ATP8A2: variants seen among roughly 807,000 people sequenced by gnomAD.
ATP8A2 encodes ATPase phospholipid transporting 8A2.
ATP8A2 carries 100 observed loss-of-function variants against 165.6 expected under a neutral mutation model. The observed-to-expected ratio is 0.60, with a 90% CI of 0.51 to 0.71. The LOEUF is 0.71. ATP8A2 is among the 30% of genes least tolerant of loss of function. The pLI, the probability that ATP8A2 is intolerant of heterozygous loss-of-function variation, is 0.00. For missense variants in ATP8A2, 1,227 were observed against 1,479.5 expected, an observed-to-expected ratio of 0.83 and a Z score of 2.80; for synonymous variants, 543 against 548.8, an observed-to-expected ratio of 0.99 and a Z score of 0.15.
At chr13:25,845,423 T>C (rs1951837928) in intron 30 of ATP8A2, among the ~76,000 whole-genome samples, 1 of 152,212 alleles carries the variant, frequency 6.6e-6, no homozygotes, top group South Asian at 2.1e-4. Context: ...AAAGAGACTA[T>C]GCTTAACAAA....
intron 24 of ATP8A2, among the ~76,000 whole-genome samples, chr13:25,610,805 G>T (rs566027571): frequency 2.7e-5 from 4 of 149,916 alleles, no homozygotes; most frequent in Admixed American, 2.7e-4. Context: ...CCATTTGTTT[G>T]TGTTGTTTAT....
chr13:26,014,251 A>G (rs949464661), intron 36 of ATP8A2, among the ~76,000 whole-genome samples: 2 of 152,226 alleles, frequency 1.3e-5, no homozygotes, highest in Admixed American at 1.3e-4. Context: ...CCAGAGGTTC[A>G]GTGTAGGTCC....
At chr13:25,501,133 G>GT in intron 2 of ATP8A2, among the ~76,000 whole-genome samples, 1 of 152,292 alleles carries the variant, frequency 6.6e-6, no homozygotes, top group African/African-American at 2.4e-5. Context: ...GAAGTCATGT[G>GT]TTTAAAAATG....
At chr13:25,487,520 A>G (rs2137618691) in intron 2 of ATP8A2, among the ~76,000 whole-genome samples, 1 of 152,234 alleles carries the variant, frequency 6.6e-6, no homozygotes, top group East Asian at 1.9e-4. Context: ...TTTAAACAGC[A>G]CCTCACTGAG....
chr13:25,439,291 C>T (rs941343931), intron 1 of ATP8A2, among the ~76,000 whole-genome samples: 1 of 152,138 alleles, frequency 6.6e-6, no homozygotes, highest in African/African-American at 2.4e-5. Flanking sequence ...TAGGGAGGCA[C>T]CTGAAATCTT....
chr13:25,916,107 G>A (rs941636364), intron 33 of ATP8A2, among the ~76,000 whole-genome samples: 4 of 152,132 alleles, frequency 2.6e-5, no homozygotes, highest in South Asian at 2.1e-4. Context: ...CCAACTGTGC[G>A]TCAGATTAAA....
chr13:25,582,160 C>G (rs946607267), intron 23 of ATP8A2, among the ~76,000 whole-genome samples: 2 of 152,136 alleles, frequency 1.3e-5, no homozygotes, highest in Non-Finnish European at 2.9e-5. Flanking sequence ...ATCATAGTTC[C>G]TGGAAAAGAA....
At chr13:25,883,156 G>A (rs1014941448) in intron 33 of ATP8A2, among the ~76,000 whole-genome samples, 5 of 152,128 alleles carry the variant, frequency 3.3e-5, no homozygotes, top group Non-Finnish European at 7.4e-5. Context: ...TCTAACAGCA[G>A]CCATTCACCC....
chr13:25,482,093 T>A (rs1400812351), intron 2 of ATP8A2, among the ~76,000 whole-genome samples: 1 of 152,188 alleles, frequency 6.6e-6, no homozygotes, highest in Non-Finnish European at 1.5e-5. Context: ...ATTTAATAAA[T>A]GTTCCTGAAG....
rs760333593 is a variant in ATP8A2, at chr13:25,671,939, G to C, written c.2212-27234G>C. On this transcript the variant is annotated intron_variant, in intron 24 of 36. Transcript: ENST00000381655. ...CTTGTGGGGTATCACGGGACCTACC[G>C]ACGTGTGATGTCTCCCCCGGATGCC... Among the ~76,000 whole-genome samples the C allele has an allele frequency of 6.0e-4, 91 of 152,140 alleles. 1 individual carries two copies. Among genetic ancestry groups the C allele is most frequent in the Non-Finnish European group, 1.1e-3 (77 of 68,036 alleles).
intron 27 of ATP8A2, among the ~76,000 whole-genome samples, chr13:25,793,639 G>A (rs1210378527): frequency 7.2e-6 from 1 of 138,702 alleles, no homozygotes; most frequent in East Asian, 2.2e-4. Context: ...GTACTATCAG[G>A]CTTTCTCAGG....
intron 33 of ATP8A2, among the ~76,000 whole-genome samples, chr13:25,928,692 A>T (rs543182419): frequency 6.6e-6 from 1 of 152,230 alleles, no homozygotes; most frequent in Non-Finnish European, 1.5e-5. Flanking sequence ...ATTGTCCAAG[A>T]TGACATTCCC....
intron 35 of ATP8A2, among the ~76,000 whole-genome samples, chr13:25,992,734 T>A (rs546906938): frequency 6.6e-6 from 1 of 151,702 alleles, no homozygotes; most frequent in Non-Finnish European, 1.5e-5. Flanking sequence ...CATGTGCACA[T>A]TGTGCAGGTT....
At position 26,020,300 on chromosome 13, in the gene ATP8A2, T is replaced by A. The variant is rs1347896948; in HGVS notation, c.*315T>A. On this transcript the variant is annotated 3_prime_UTR_variant, in exon 37 of 37. Transcript: ENST00000381655. Reference sequence around the variant, plus strand: ...ATTATGTTTCACCAATATTTAAACATCAGTACTAGTTGTCCTGGGAGAAAG... The same window carrying A: ...ATTATGTTTCACCAATATTTAAACAACAGTACTAGTTGTCCTGGGAGAAAG... 9 of 330,340 alleles carry A rather than the reference T, an allele frequency of 2.7e-5. No individual in the cohort carries two copies. The highest frequency in any genetic ancestry group is 5.0e-5 in the Non-Finnish European group (9 of 178,720). The allele number at this position is 330,340 out of a possible 1,614,324, so 20.5% of individuals were successfully genotyped here.
At chr13:25,961,992 C>T (rs1955671429) in intron 34 of ATP8A2, among the ~76,000 whole-genome samples, 1 of 152,142 alleles carries the variant, frequency 6.6e-6, no homozygotes, top group Middle Eastern at 3.4e-3. Context: ...CCACTATACT[C>T]CAGCCTGGGC....
chr13:26,009,406 C>T (rs1262773366), intron 35 of ATP8A2, among the ~76,000 whole-genome samples: 1 of 152,228 alleles, frequency 6.6e-6, no homozygotes, highest in Admixed American at 6.5e-5. Context: ...CAGCTCTGCC[C>T]TGCACTGAGG....
At chr13:25,714,153 GGGAA>G (rs931534404) in intron 25 of ATP8A2, among the ~76,000 whole-genome samples, 8 of 151,752 alleles carry the variant, frequency 5.3e-5, no homozygotes, top group African/African-American at 1.9e-4. Flanking sequence ...GAAGGAGGGA[GGGAA>G]GGAAGAAAGG....
intron 9 of ATP8A2, among the ~76,000 whole-genome samples, chr13:25,542,307 T>C (rs1011946841): frequency 6.6e-6 from 1 of 152,046 alleles, no homozygotes; most frequent in Non-Finnish European, 1.5e-5. Context: ...CTGCATAAAA[T>C]TGTCCAGAAA....
chr13:25,819,655 T>TG (rs1277627214), intron 27 of ATP8A2, among the ~76,000 whole-genome samples: 1 of 145,488 alleles, frequency 6.9e-6, no homozygotes, highest in African/African-American at 2.5e-5. Flanking sequence ...CAGGGTTTTT[T>TG]GTTTTTTTTT....
Sources: allele counts gnomAD v4.1 joint callset (sites outside exome capture counted in the v4.1 genomes callset), GRCh38; gene constraint gnomAD v4.1.1; transcripts MANE v1.5; gene names NCBI Gene and HGNC (gene_info 2026-07-23, HGNC 2026-07-21).